The following DNM1 variants were observed in gnomAD, a reference collection of about 807,000 sequenced individuals.
DNM1 encodes dynamin-1.
DNM1 carries 29 observed loss-of-function variants against 104.6 expected under a neutral mutation model. The observed-to-expected ratio is 0.28, with a 90% CI of 0.21 to 0.38. DNM1 has a LOEUF of 0.38. Ranked by LOEUF, DNM1 falls within the 10% of genes least tolerant of loss-of-function variation. The probability of loss-of-function intolerance (pLI) is 1.00; values close to 1 mark genes in which losing one functional copy is unlikely to be tolerated. For missense variants in DNM1, 640 were observed against 1,189.4 expected (o/e 0.54, Z 6.79); for synonymous variants, 445 against 475.8 (o/e 0.94, Z 0.84).
At position 128,247,998 on chromosome 9, in the gene DNM1, G is replaced by C. The variant is rs765393902; in HGVS notation, c.1905+63G>C. 1.9e-6 allele frequency: 3 copies of C among 1,609,506 alleles called. No individual in the cohort carries two copies. The South Asian group carries it at 3.3e-5, about 18-fold the overall frequency. On this transcript the variant is annotated intron_variant, in intron 18 of 21. Coordinates refer to ENST00000372923, the MANE Select transcript of DNM1 (RefSeq NM_004408.4). This position sits in a 1 kb window ranked among gnomAD's most constrained non-coding sequence, Gnocchi z 5.1. The stretch of plus-strand genomic sequence containing the variant: ...GCAGCCTGGCACCAGCTCCAGCCAG[G>C]TTTTCAAGCAAGGGACCTGGAGATG...
rs113507872 is a variant in DNM1 at position 128,220,121 on chromosome 9, C to T, written c.688+35C>T. On this transcript the variant is annotated intron_variant, in intron 5 of 21. Transcript: ENST00000372923. The surrounding 1 kb of genome is among the most constrained non-coding windows in gnomAD (Gnocchi z 5.2). ...CCATGCCCCTCAACCACTCCCCAGCCCTTCCCCACCCTTCCCCTCCTCTTG... is the reference window on the plus strand; with the variant it reads ...CCATGCCCCTCAACCACTCCCCAGCTCTTCCCCACCCTTCCCCTCCTCTTG... 8 of 1,611,980 alleles carry T rather than the reference C, an allele frequency of 5.0e-6. No homozygotes were observed. The highest frequency in any genetic ancestry group is 6.8e-6 in the Non-Finnish European group (8 of 1,178,122).
intron 15 of DNM1, 97 bp downstream of exon 15, chr9:128,242,442 A>AG (rs1417737457): frequency 8.7e-6 from 6 of 689,266 alleles, no homozygotes; most frequent in Non-Finnish European, 1.5e-5. Context: ...ACCATGGAAT[A>AG]GGGTTTTAAA....
At chr9:128,213,124 C>T (rs1834402151) in intron 1 of DNM1, among the ~76,000 whole-genome samples, 1 of 152,206 alleles carries the variant, frequency 6.6e-6, no homozygotes, top group Non-Finnish European at 1.5e-5. Flanking sequence ...CTCTGTCATC[C>T]AGGCTGGAGT....
chr9:128,254,924 C>G lies in DNM1; in HGVS notation c.*210C>G. Reference sequence around the variant, plus strand: ...TGCCCTTGCCCTGTTCTATAAATATCTATAAATACTCATATATATACACAC... The same window carrying G: ...TGCCCTTGCCCTGTTCTATAAATATGTATAAATACTCATATATATACACAC... On this transcript the variant is annotated 3_prime_UTR_variant, in exon 22 of 22. Transcript: ENST00000372923. This position sits in a 1 kb window ranked among gnomAD's most constrained non-coding sequence, Gnocchi z 6.1. The G allele has an allele frequency of 1.8e-6, 1 of 546,254 alleles. No homozygotes were observed. Among genetic ancestry groups the G allele is most frequent in the Admixed American group, 3.4e-5 (1 of 29,194 alleles). The allele number at this position is 546,254 out of a possible 1,614,324, so 33.8% of individuals were successfully genotyped here. A position where few individuals can be genotyped will look rare whatever the true frequency, so the allele number is the denominator to read the frequency against.
intron 1 of DNM1, among the ~76,000 whole-genome samples, chr9:128,216,099 A>G (rs1041195142): frequency 6.7e-5 from 10 of 150,192 alleles, no homozygotes; most frequent in Non-Finnish European, 1.2e-4. Flanking sequence ...GCATTGCATT[A>G]TCTGTTTACT....
chr9:128,219,269 T>A lies in DNM1; in HGVS notation c.589+17T>A. On this transcript the variant is annotated intron_variant, in intron 4 of 21. Coordinates refer to ENST00000372923, the MANE Select transcript of DNM1 (RefSeq NM_004408.4). The stretch of plus-strand genomic sequence containing the variant: ...ACCCCCAGGGTAGGTTCCCACCCGG[T>A]GGCCAATGCACAAAACCCCAGGCTT... 1 of 1,610,292 alleles carries A rather than the reference T, an allele frequency of 6.2e-7. No individual in the cohort carries two copies.
chr9:128,252,419 C>A, intron 21 of DNM1: 1 of 400,512 alleles, frequency 2.5e-6, no homozygotes, highest in Admixed American at 3.1e-5. Context: ...AACCTGACTT[C>A]AGTGCAGTCT....
At chr9:128,233,382 G>A (rs41276240) in intron 10 of DNM1, among the ~76,000 whole-genome samples, 3,804 of 152,216 alleles carry the variant, frequency 0.025, 78 homozygotes, top group Non-Finnish European at 0.033. Context: ...GCTGGCCCCC[G>A]CCTTGCATGT....
chr9:128,244,574 C>T (rs1162958988), intron 15 of DNM1: 3 of 261,340 alleles, frequency 1.1e-5, no homozygotes, highest in South Asian at 3.2e-5. Flanking sequence ...CCCCCATCAC[C>T]GCTACCCCCA....
At chr9:128,210,215 A>G (rs1047247120) in intron 1 of DNM1, among the ~76,000 whole-genome samples, 2 of 151,784 alleles carry the variant, frequency 1.3e-5, no homozygotes, top group Admixed American at 1.3e-4. Flanking sequence ...ACACCCAGCT[A>G]AGTTTTTTAT....
chr9:128,206,259 G>A (rs1373711892), intron 1 of DNM1, among the ~76,000 whole-genome samples: 1 of 152,214 alleles, frequency 6.6e-6, no homozygotes, highest in African/African-American at 2.4e-5. Context: ...GCTTCTGGGT[G>A]CTCAGGAGGA....
At chr9:128,251,267 TTTC>T (rs1829502050) in intron 21 of DNM1, 7 of 510,006 alleles carry the variant, frequency 1.4e-5, no homozygotes, top group Non-Finnish European at 2.6e-5. Context: ...TTCCTCCTCC[TTTC>T]TTCTTCTTGC....
Position 128,250,810 on chromosome 9 carries a change from C to A in DNM1, c.2404C>A (p.Pro802Thr). 2 of 1,334,776 alleles carry A rather than the reference C, an allele frequency of 1.5e-6. No individual in the cohort carries two copies. The highest frequency in any genetic ancestry group is 1.9e-6 in the Non-Finnish European group (2 of 1,053,698). The allele number at this position is 1,334,776 out of a possible 1,614,324, so 82.7% of individuals were successfully genotyped here. Residue 802 changes from proline (P) to threonine (T), a missense_variant, in exon 21 of 22, where the codon CCT becomes ACT. This residue lies in a region of DNM1 where 129 missense variants were observed against 224.6 expected (regional missense o/e 0.57). Transcript: ENST00000372923. ...CGGGTCGCGGGGCCCTGCTCCTGGG[C>A]CTCCGCCTGCTGGGTCCGCCCTGGG... ...RPGSRGPAPG[P>T]PPAGSALGGA...
At chr9:128,208,510 C>G (rs1184602172) in intron 1 of DNM1, among the ~76,000 whole-genome samples, 1 of 152,210 alleles carries the variant, frequency 6.6e-6, no homozygotes, top group African/African-American at 2.4e-5. Flanking sequence ...CAGGATGCAT[C>G]ATAGTGGTCC....
In DNM1 at chr9:128,245,010, T is replaced by G. The variant is rs1588442241; in HGVS notation, c.1672-1384T>G. ...TGACGTGGCAGGGGTGAGCGGGAGC[T>G]GGGGCTGAGAAGGAGGGGCCTGAGG... On this transcript the variant is annotated intron_variant, in intron 15 of 21. Transcript: ENST00000372923. The surrounding 1 kb of genome is among the most constrained non-coding windows in gnomAD (Gnocchi z 5.2). The G allele has an allele frequency of 1.0e-4, 24 of 234,956 alleles. No individual in the cohort carries two copies. Among genetic ancestry groups the G allele is most frequent in the South Asian group, 1.6e-4 (4 of 25,398 alleles). The allele number at this position is 234,956 out of a possible 1,614,324, so 14.6% of individuals were successfully genotyped here.
At chr9:128,237,680 C>A (rs780358028) in intron 11 of DNM1, among the ~76,000 whole-genome samples, 1 of 152,220 alleles carries the variant, frequency 6.6e-6, no homozygotes, top group Non-Finnish European at 1.5e-5. Flanking sequence ...CTATTACAAA[C>A]TGTACTACTT....
intron 15 of DNM1, chr9:128,244,891 C>A: frequency 2.2e-6 from 1 of 449,112 alleles, no homozygotes; most frequent in Non-Finnish European, 4.8e-6. Flanking sequence ...CCCTGGAGAT[C>A]CGAGAACCCC....
At chr9:128,209,066 G>T (rs1032527868) in intron 1 of DNM1, among the ~76,000 whole-genome samples, 9 of 151,440 alleles carry the variant, frequency 5.9e-5, no homozygotes, top group Non-Finnish European at 1.3e-4. Context: ...GCCTGTTAGG[G>T]GCCCTTTGAC....
At position 128,215,796 on chromosome 9, in the gene DNM1, C is replaced by T. The variant is rs187989626; in HGVS notation, c.162-2435C>T. The stretch of plus-strand genomic sequence containing the variant: ...GGGGACTCTTTGTGGGGAGTCCCAT[C>T]CTTTCCAGCCCCTCCTGCAGTTTCC... On this transcript the variant is annotated intron_variant, in intron 1 of 21. Transcript: ENST00000372923. Among the ~76,000 whole-genome samples, 1,111 of 152,272 alleles carry T rather than the reference C, an allele frequency of 7.3e-3. 9 individuals carry two copies. The highest frequency in any genetic ancestry group is 0.012 in the Non-Finnish European group (797 of 68,010).
Sources: gnomAD v4.1 joint callset for allele counts (sites outside exome capture counted in the v4.1 genomes callset) on GRCh38, gnomAD v4.1.1 for gene constraint, gnomAD v4.1.1 regional missense constraint, Gnocchi (gnomAD v3.1) non-coding constraint, MANE v1.5 for transcripts, NCBI Gene and HGNC (gene_info 2026-07-23, HGNC 2026-07-21) for gene names.